ARSH: variants seen among roughly 807,000 people sequenced by gnomAD.
ARSH encodes arylsulfatase H.
ARSH carries 32 observed loss-of-function variants against 28.7 expected under a neutral mutation model. That is an observed-to-expected ratio of 1.11 (90% confidence interval 0.84 to 1.50). The LOEUF is 1.50. Ranked by LOEUF, ARSH falls within the 40% of genes most tolerant of loss-of-function variation. The probability of loss-of-function intolerance (pLI) is 0.00; values close to 1 mark genes in which losing one functional copy is unlikely to be tolerated. For synonymous variants in ARSH, 176 were observed against 177.3 expected (o/e 0.99, Z 0.06); for missense variants, 440 against 452.4 (o/e 0.97, Z 0.25).
intron 8 of ARSH, among the ~76,000 whole-genome samples, chrX:3,031,833 C>T (rs975558689): frequency 3.6e-5 from 4 of 110,926 alleles, no homozygotes; most frequent in East Asian, 2.8e-4. Flanking sequence ...GTGCTCAGTG[C>T]CACGGTCATG....
chrX:3,011,252 C>T (rs749794868), intron 2 of ARSH, among the ~76,000 whole-genome samples: 7 of 90,916 alleles, frequency 7.7e-5, no homozygotes, highest in East Asian at 6.9e-4. Context: ...TTCTTTCTTT[C>T]TTTTTTTTTT....
chrX:3,008,453 C>CTT (rs1401064089), intron 1 of ARSH, among the ~76,000 whole-genome samples: 2 of 10,892 alleles, frequency 1.8e-4, no homozygotes, highest in Admixed American at 7.7e-4. Flanking sequence ...TTCTTATTTT[C>CTT]TTTCTTTCTT....
chrX:3,016,769 A>C (rs2089867557), intron 4 of ARSH, among the ~76,000 whole-genome samples: 1 of 110,769 alleles, frequency 9.0e-6, no homozygotes, highest in Non-Finnish European at 1.9e-5. Context: ...TTTTCCATAG[A>C]GACAAGGTCT....
At position 3,006,720 on chromosome X, in the gene ARSH, G is replaced by C. The variant is rs771764122; in HGVS notation, c.92+16G>C. On this transcript the variant is annotated intron_variant, in intron 1 of 8. Transcript: ENST00000381130. ...ACTCAGTGAGGTAAAGATGGACTCTGACCCCCTCCCTGTATGTGGGAGTCT... is the reference window on the plus strand; with the variant it reads ...ACTCAGTGAGGTAAAGATGGACTCTCACCCCCTCCCTGTATGTGGGAGTCT... 2 of 1,171,881 alleles carry C rather than the reference G, an allele frequency of 1.7e-6. No homozygotes were observed. The highest frequency in any genetic ancestry group is 3.6e-5 in the South Asian group (2 of 55,104).
rs2089892521 is a variant in ARSH at position 3,024,148 on chromosome X, C to A, written c.1029C>A (p.Ile343=). Residue 343 remains isoleucine (I), a synonymous_variant, in exon 6 of 9, where the codon ATC becomes ATA. Transcript: ENST00000381130. ...TTCAGCTGGGTGGCTGGAACGGGATCTACAAAGGTGATTGTGTGTAGAGAA... is the reference window on the plus strand; with the variant it reads ...TTCAGCTGGGTGGCTGGAACGGGATATACAAAGGTGATTGTGTGTAGAGAA... ...GAVQLGGWNG[I]YKGGKGMGGW... The A allele has an allele frequency of 3.4e-6, 4 of 1,183,676 alleles. No homozygotes were observed. Among genetic ancestry groups the A allele is most frequent in the Non-Finnish European group, 4.5e-6 (4 of 884,146 alleles).
intron 2 of ARSH, among the ~76,000 whole-genome samples, chrX:3,012,612 ATG>A (rs201348372): frequency 0.038 from 1,232 of 32,136 alleles, 132 homozygotes; most frequent in East Asian, 0.31. Context: ...ATATATATGT[ATG>A]TGTATATACA....
At chrX:3,028,876 G>A (rs979371342) in intron 7 of ARSH, among the ~76,000 whole-genome samples, 4 of 109,778 alleles carry the variant, frequency 3.6e-5, no homozygotes, top group African/African-American at 6.6e-5. Flanking sequence ...TCAGGAGTTC[G>A]AGACCAGCCT....
Position 3,027,370 on chromosome X carries a change from G to A in ARSH, c.1094G>A (p.Trp365Ter), listed in dbSNP as rs2089901766. Residue 365 changes from tryptophan to a stop codon, truncating the protein, a stop_gained, in exon 7 of 9, where the codon TGG becomes TAG. Coordinates refer to ENST00000381130, the MANE Select transcript of ARSH (RefSeq NM_001011719.2). LOFTEE classifies it high-confidence loss of function. ...ATCCGTGTGCCAGGGATATTCCGGT[G>A]GCCGTCAGTCTTGGAGGCTGGGAGA... ...GGIRVPGIFR[W>*]PSVLEAGRVI... The A allele has an allele frequency of 1.7e-6, 2 of 1,211,584 alleles. No individual in the cohort carries two copies. Among genetic ancestry groups the A allele is most frequent in the East Asian group, 5.9e-5 (2 of 33,811 alleles).
At chrX:3,020,697 A>G (rs2089881454) in intron 5 of ARSH, among the ~76,000 whole-genome samples, 1 of 111,239 alleles carries the variant, frequency 9.0e-6, no homozygotes, top group African/African-American at 3.3e-5. Flanking sequence ...TTAAAGGGAA[A>G]AACTTATGGG....
intron 6 of ARSH, among the ~76,000 whole-genome samples, chrX:3,026,962 C>A (rs1488557017): frequency 9.0e-6 from 1 of 111,191 alleles, no homozygotes. Context: ...GATCCCCCGA[C>A]TTCAGCCTCC....
intron 8 of ARSH, 133 bp from the exon 9 acceptor site, chrX:3,032,885 T>A (rs1280933875): frequency 1.3e-5 from 8 of 617,209 alleles, no homozygotes; most frequent in Non-Finnish European, 1.7e-5. Context: ...GAAATGCTAC[T>A]GTTGCTGTGT....
chrX:3,032,634 G>T (rs1037667467), intron 8 of ARSH, among the ~76,000 whole-genome samples: 3 of 111,928 alleles, frequency 2.7e-5, no homozygotes, highest in Non-Finnish European at 5.6e-5. Flanking sequence ...AAAGGATAAA[G>T]AATGATTAAC....
In ARSH at chrX:3,033,248, C is replaced by A. The variant is rs200392018; in HGVS notation, c.1552C>A (p.Arg518Ser). 8.3e-7 allele frequency: 1 copy of A among 1,211,514 alleles called. No homozygotes were observed. Among genetic ancestry groups the A allele is most frequent in the Non-Finnish European group, 1.1e-6 (1 of 895,421 alleles). Residue 518 changes from arginine to serine, a missense_variant, in exon 9 of 9, where the codon CGT becomes AGT. Arg to Ser is a moderately radical substitution (Grantham distance 110). Coordinates refer to ENST00000381130, the MANE Select transcript of ARSH (RefSeq NM_001011719.2). ...KKMEAAIREH[R>S]RTLTPVPQQF... ...GATGGAGGCAGCCATAAGAGAGCAT[C>A]GTAGGACACTAACACCTGTCCCACA...
chrX:3,033,275 C>T lies in ARSH; in HGVS notation c.1579C>T (p.Gln527Ter). The change falls in exon 9 of 9, where the codon CAG becomes TAG. Residue 527 changes from glutamine (Q) to a stop codon, truncating the protein, a stop_gained. Transcript: ENST00000381130. LOFTEE classifies it low-confidence loss of function (END_TRUNC). ...HRRTLTPVPQ[Q>*]FSVFNTIWKP... Reference sequence around the variant, plus strand: ...TAGGACACTAACACCTGTCCCACAGCAGTTCTCTGTGTTCAACACAATTTG... The same window carrying T: ...TAGGACACTAACACCTGTCCCACAGTAGTTCTCTGTGTTCAACACAATTTG... 1 of 1,211,404 alleles carries T rather than the reference C, an allele frequency of 8.3e-7. No individual in the cohort carries two copies. The highest frequency in any genetic ancestry group is 1.1e-6 in the Non-Finnish European group (1 of 895,275).
chrX:3,009,924 A>G, intron 1 of ARSH, 106 bp from the exon 2 acceptor site: 1 of 967,357 alleles, frequency 1.0e-6, no homozygotes, highest in South Asian at 2.4e-5. Context: ...TTTTAGGTTT[A>G]CCAGAAATAG....
At position 3,009,359 on chromosome X, in the gene ARSH, C is replaced by T. The variant is rs755662724; in HGVS notation, c.93-671C>T. 2.7e-5 allele frequency among the ~76,000 whole-genome samples: 3 copies of T among 111,046 alleles called. No homozygotes were observed. The Admixed American group carries it at 2.9e-4, about 11-fold the overall frequency. On this transcript the variant is annotated intron_variant, in intron 1 of 8. Coordinates refer to ENST00000381130, the MANE Select transcript of ARSH (RefSeq NM_001011719.2). Reference sequence around the variant, plus strand: ...TGGTGGCTCATGCCTGTAATCCCAGCTAGTCAGGAGGCTGAGGCAGGAGGA... The same window carrying T: ...TGGTGGCTCATGCCTGTAATCCCAGTTAGTCAGGAGGCTGAGGCAGGAGGA...
chrX:3,016,085 A>G (rs2089865712), intron 4 of ARSH, among the ~76,000 whole-genome samples: 1 of 107,047 alleles, frequency 9.3e-6, no homozygotes, highest in African/African-American at 3.4e-5. Flanking sequence ...ATCATGGCTC[A>G]CAGCAGCCTC....
At chrX:3,029,117 T>G in intron 7 of ARSH, 130 bp from the exon 8 acceptor site, 3 of 694,669 alleles carry the variant, frequency 4.3e-6, no homozygotes, top group African/African-American at 2.3e-5. Flanking sequence ...TTCCTCTTTA[T>G]CTTTCGCCTC....
intron 5 of ARSH, 33 bp downstream of exon 5, chrX:3,018,703 G>A (rs748081849): frequency 1.7e-6 from 2 of 1,199,656 alleles, no homozygotes; most frequent in South Asian, 1.8e-5. Flanking sequence ...GTAAATATCT[G>A]AAGTACGGGC....
Sources: gnomAD v4.1 joint callset for allele counts (sites outside exome capture counted in the v4.1 genomes callset) on GRCh38, gnomAD v4.1.1 for gene constraint, MANE v1.5 for transcripts, NCBI Gene and HGNC (gene_info 2026-07-23, HGNC 2026-07-21) for gene names.